Variants in GPC6 observed in about 807,000 individuals in gnomAD.
GPC6 encodes glypican 6.
In GPC6, 14 loss-of-function variants were observed where a neutral mutation model predicts 55.2. That is an observed-to-expected ratio of 0.25 (90% CI 0.17 to 0.40). The LOEUF is 0.40. GPC6 is among the 10% of genes least tolerant of loss of function. The pLI, the probability that GPC6 is intolerant of heterozygous loss-of-function variation, is 1.00. For missense variants in GPC6, 641 were observed against 708.5 expected, an observed-to-expected ratio of 0.90 and a Z score of 1.08; for synonymous variants, 278 against 259.6, an observed-to-expected ratio of 1.07 and a Z score of -0.68.
intron 6 of GPC6, among the ~76,000 whole-genome samples, chr13:94,353,631 TTCAG>T (rs1878660734): frequency 6.6e-6 from 1 of 152,102 alleles, no homozygotes; most frequent in South Asian, 2.1e-4. Flanking sequence ...CCATTTCAGA[TTCAG>T]TAAAATAGCA....
chr13:93,259,020 T>C (rs1484269323), intron 1 of GPC6, among the ~76,000 whole-genome samples: 1 of 152,134 alleles, frequency 6.6e-6, no homozygotes, highest in Non-Finnish European at 1.5e-5. Context: ...AATAATGGTA[T>C]GTATCTGGTG....
chr13:93,653,575 CGTGTGTGTGTGTGT>C (rs55845007), intron 2 of GPC6, among the ~76,000 whole-genome samples: 11 of 145,650 alleles, frequency 7.6e-5, no homozygotes, highest in African/African-American at 2.3e-4. Flanking sequence ...AGTATATGGC[CGTGTGTGTGTGTGT>C]GTGTGTGTGT....
At chr13:94,053,390 C>G (rs1009103781) in intron 4 of GPC6, among the ~76,000 whole-genome samples, 1 of 152,156 alleles carries the variant, frequency 6.6e-6, no homozygotes. Context: ...GGGTTGTCAC[C>G]TTCCACATGA....
chr13:93,270,935 A>T (rs1877501392), intron 1 of GPC6, among the ~76,000 whole-genome samples: 1 of 152,202 alleles, frequency 6.6e-6, no homozygotes, highest in Non-Finnish European at 1.5e-5. Flanking sequence ...TTAGGTTGAA[A>T]GGGCTTTCTG....
At chr13:93,480,938 T>A (rs911275848) in intron 1 of GPC6, among the ~76,000 whole-genome samples, 2 of 152,228 alleles carry the variant, frequency 1.3e-5, no homozygotes, top group African/African-American at 2.4e-5. Context: ...GAGGGACATA[T>A]GTCTTCATTT....
At chr13:93,529,997 T>G (rs984005589) in intron 1 of GPC6, among the ~76,000 whole-genome samples, 2 of 152,236 alleles carry the variant, frequency 1.3e-5, no homozygotes, top group South Asian at 4.1e-4. Flanking sequence ...TAACTTTTAT[T>G]GCAGAACCTC....
intron 4 of GPC6, among the ~76,000 whole-genome samples, chr13:94,266,234 T>C (rs1354169105): frequency 6.6e-6 from 1 of 151,792 alleles, no homozygotes; most frequent in African/African-American, 2.4e-5. Flanking sequence ...AGTGGCACGA[T>C]CTTGGCTCAC....
At chr13:94,217,368 A>T (rs929448510) in intron 4 of GPC6, among the ~76,000 whole-genome samples, 1 of 152,198 alleles carries the variant, frequency 6.6e-6, no homozygotes, top group Non-Finnish European at 1.5e-5. Flanking sequence ...GCATATTTGT[A>T]TGGAATGTTG....
chr13:93,967,082 CA>C (rs1880080454), intron 3 of GPC6, among the ~76,000 whole-genome samples: 1 of 152,112 alleles, frequency 6.6e-6, no homozygotes, highest in African/African-American at 2.4e-5. Flanking sequence ...GGAAGGTCTC[CA>C]AATACAGAAA....
chr13:94,390,059 A>G (rs947931270), intron 7 of GPC6, among the ~76,000 whole-genome samples: 1 of 152,230 alleles, frequency 6.6e-6, no homozygotes, highest in Non-Finnish European at 1.5e-5. Context: ...AGTAAATTGT[A>G]AGAAATAGGA....
intron 3 of GPC6, among the ~76,000 whole-genome samples, chr13:93,921,459 T>C (rs1354380353): frequency 6.6e-6 from 1 of 151,950 alleles, no homozygotes; most frequent in Non-Finnish European, 1.5e-5. Context: ...ATGTAGGGGA[T>C]TTTATTGCCA....
chr13:94,383,906 A>T (rs992717021), intron 7 of GPC6, among the ~76,000 whole-genome samples: 1 of 152,184 alleles, frequency 6.6e-6, no homozygotes, highest in Non-Finnish European at 1.5e-5. Context: ...AAGTACAAGT[A>T]AAGGGGGAAG....
intron 1 of GPC6, among the ~76,000 whole-genome samples, chr13:93,412,432 G>T (rs562029142): frequency 6.6e-6 from 1 of 152,176 alleles, no homozygotes; most frequent in Non-Finnish European, 1.5e-5. Context: ...GAGGCAGGTG[G>T]ATCACCTGAG....
At chr13:93,460,177 AC>A (rs1566369055) in intron 1 of GPC6, among the ~76,000 whole-genome samples, 1 of 152,172 alleles carries the variant, frequency 6.6e-6, no homozygotes, top group Non-Finnish European at 1.5e-5. Context: ...CTGGTTATGA[AC>A]TGTTGTCACT....
intron 6 of GPC6, among the ~76,000 whole-genome samples, chr13:94,321,762 A>C (rs1456525157): frequency 6.6e-6 from 1 of 152,200 alleles, no homozygotes; most frequent in Non-Finnish European, 1.5e-5. Flanking sequence ...GCAATAGCCC[A>C]TCTCAGCAGC....
At chr13:94,383,706 A>G (rs1880278578) in intron 7 of GPC6, among the ~76,000 whole-genome samples, 2 of 152,222 alleles carry the variant, frequency 1.3e-5, no homozygotes, top group African/African-American at 4.8e-5. Flanking sequence ...TGCATTTTTT[A>G]GCATCTGTTG....
At chr13:93,367,572 A>G (rs58326200) in intron 1 of GPC6, among the ~76,000 whole-genome samples, 35 of 152,008 alleles carry the variant, frequency 2.3e-4, no homozygotes, top group East Asian at 1.2e-3. Flanking sequence ...CAGTGTATGC[A>G]TTTCCTTTCG....
At chr13:93,219,255 A>G in the GPC6 span, among the ~76,000 whole-genome samples, 1 of 151,938 alleles carries the variant, frequency 6.6e-6, no homozygotes, top group Non-Finnish European at 1.5e-5. Context: ...CACCACGCCC[A>G]GCTAATTTTT....
chr13:93,535,012 A>G (rs2139418243), intron 1 of GPC6, among the ~76,000 whole-genome samples: 1 of 152,290 alleles, frequency 6.6e-6, no homozygotes, highest in South Asian at 2.1e-4. Flanking sequence ...ATTTGCCCAT[A>G]GAAACTTTCC....
Sources: gnomAD v4.1 joint callset for allele counts (sites outside exome capture counted in the v4.1 genomes callset) on GRCh38, gnomAD v4.1.1 for gene constraint, MANE v1.5 for transcripts, NCBI Gene and HGNC (gene_info 2026-07-23, HGNC 2026-07-21) for gene names.